Variants in PHACTR2 observed in about 807,000 individuals in gnomAD.
The protein encoded by PHACTR2 is chromosome 6 open reading frame 56.
Under a neutral mutation model 76.0 loss-of-function variants are expected in PHACTR2, and 30 were observed. The observed-to-expected ratio is 0.39, with a 90% confidence interval of 0.30 to 0.54. The LOEUF (loss-of-function observed/expected upper bound fraction) is 0.54, where lower values mean the gene tolerates loss of function less well. PHACTR2 is among the 20% of genes least tolerant of loss of function. The pLI is 0.61. For missense variants in PHACTR2, 696 were observed against 781.1 expected, an observed-to-expected ratio of 0.89 and a Z score of 1.30; for synonymous variants, 292 against 292.5, an observed-to-expected ratio of 1.00 and a Z score of 0.02.
chr6:143,613,534 C>A (rs567560504), intron 1 of PHACTR2, among the ~76,000 whole-genome samples: 2 of 152,274 alleles, frequency 1.3e-5, no homozygotes, highest in East Asian at 3.9e-4. Context: ...TGTGCAGAAG[C>A]AGGACAAAGT....
At chr6:143,542,258 A>G (rs1373333406) in intron 1 of PHACTR2, among the ~76,000 whole-genome samples, 1 of 152,114 alleles carries the variant, frequency 6.6e-6, no homozygotes, top group Admixed American at 6.5e-5. Flanking sequence ...TTCTTTGCAC[A>G]AAAGCCATGG....
chr6:143,667,216 G>A (rs7450663), intron 1 of PHACTR2, among the ~76,000 whole-genome samples: 2 of 151,788 alleles, frequency 1.3e-5, no homozygotes, highest in Non-Finnish European at 2.9e-5. Flanking sequence ...CTGAGGCCTC[G>A]GTTCTGTTCC....
At chr6:143,673,535 T>C (rs1208587698), upstream of PHACTR2, among the ~76,000 whole-genome samples, 8 of 152,188 alleles carry the variant, frequency 5.3e-5, no homozygotes, top group African/African-American at 1.7e-4. Context: ...ATATAAAAGA[T>C]GTCTTTAAGG....
At chr6:143,719,117 A>G (rs960955135) in intron 2 of PHACTR2, among the ~76,000 whole-genome samples, 3 of 151,314 alleles carry the variant, frequency 2.0e-5, no homozygotes, top group Admixed American at 6.6e-5. Context: ...TCCTGACCTC[A>G]GGTGATCCAC....
rs1779420032 is a variant in PHACTR2, at chr6:143,760,632, G to A, written c.686G>A (p.Arg229Gln). 33 of 1,613,812 alleles carry A rather than the reference G, an allele frequency of 2.0e-5. No individual in the cohort carries two copies. Among genetic ancestry groups the A allele is most frequent in the Non-Finnish European group, 2.5e-5 (30 of 1,179,852 alleles). The change falls in exon 5 of 13, where the codon CGA (arginine) becomes CAA (glutamine). Residue 229 changes from arginine (R) to glutamine (Q), a missense_variant. This residue lies in a region of PHACTR2 where 460 missense variants were observed against 450.9 expected (regional missense o/e 1.02). Coordinates refer to ENST00000440869, the MANE Select transcript of PHACTR2 (RefSeq NM_001100164.2). The surrounding 1 kb of genome is among the most constrained non-coding windows in gnomAD (Gnocchi z 6.4). ...PPKPASRNTT[R>Q]EAAGSSHSKK... ...AAGCCAGCAAGCCGAAACACGACCC[G>A]AGAGGCTGGTGAGTATGCCCCCAGT...
Position 143,783,479 on chromosome 6 carries a change from C to G in PHACTR2, c.1707+199C>G, listed in dbSNP as rs2128478063. ...TACAAAAAATAAAAAAATTAGCCGG[C>G]ATGGTGGCACATGCCTGTAGTTCCA... On this transcript the variant is annotated intron_variant, in intron 10 of 12. Transcript: ENST00000440869. The surrounding 1 kb of genome is among the most constrained non-coding windows in gnomAD (Gnocchi z 5.2). Among the ~76,000 whole-genome samples, 1 of 152,202 alleles carries G rather than the reference C, an allele frequency of 6.6e-6. No homozygotes were observed. Among genetic ancestry groups the G allele is most frequent in the East Asian group, 1.9e-4 (1 of 5,170 alleles).
upstream of PHACTR2, among the ~76,000 whole-genome samples, chr6:143,606,248 G>A (rs929996667): frequency 1.1e-4 from 12 of 104,918 alleles, no homozygotes; most frequent in Non-Finnish European, 1.7e-4. Context: ...GCATTTTGGA[G>A]CGAAACTTAC....
In PHACTR2 at chr6:143,739,377, A is replaced by T. The variant is rs1778891908; in HGVS notation, c.215-9608A>T. Among the ~76,000 whole-genome samples the T allele has an allele frequency of 6.6e-6, 1 of 152,170 alleles. No individual in the cohort carries two copies. Among genetic ancestry groups the T allele is most frequent in the African/African-American group, 2.4e-5 (1 of 41,434 alleles). On this transcript the variant is annotated intron_variant, in intron 2 of 12. Coordinates refer to ENST00000440869, the MANE Select transcript of PHACTR2 (RefSeq NM_001100164.2). The surrounding 1 kb of genome is among the most constrained non-coding windows in gnomAD (Gnocchi z 4.3). The stretch of plus-strand genomic sequence containing the variant: ...CGCACCCGGCTGCGAGATTCACTTT[A>T]AAATCAGTTCTCTAGCCTGTTCTTT...
chr6:143,673,747 C>T (rs1397622711), upstream of PHACTR2, among the ~76,000 whole-genome samples: 1 of 151,488 alleles, frequency 6.6e-6, no homozygotes, highest in African/African-American at 2.4e-5. Context: ...CTTTATTTTC[C>T]AGCATAAATC....
rs940359520 is a variant in PHACTR2, at chr6:143,818,084, T to C, written c.1923-5590T>C. Among the ~76,000 whole-genome samples, 8 of 152,178 alleles carry C rather than the reference T, an allele frequency of 5.3e-5. No individual in the cohort carries two copies. The highest frequency in any genetic ancestry group is 1.7e-4 in the African/African-American group (7 of 41,434). On this transcript the variant is annotated intron_variant, in intron 12 of 12. Transcript: ENST00000440869. The surrounding 1 kb of genome is among the most constrained non-coding windows in gnomAD (Gnocchi z 4.9). ...ACATTTTATGCCATCAAAATATCAC[T>C]CTGTACCCCATAAATATGAACAATT...
In PHACTR2 at chr6:143,822,395, T is replaced by C. The variant is rs1776440022; in HGVS notation, c.1923-1279T>C. ...TGAGAAAGAACTGGGTTGGGCGCAGTGGCTCGTACCTGTAATCACAGCACT... is the reference window on the plus strand; with the variant it reads ...TGAGAAAGAACTGGGTTGGGCGCAGCGGCTCGTACCTGTAATCACAGCACT... On this transcript the variant is annotated intron_variant, in intron 12 of 12. Coordinates refer to ENST00000440869, the MANE Select transcript of PHACTR2 (RefSeq NM_001100164.2). The surrounding 1 kb of genome is among the most constrained non-coding windows in gnomAD (Gnocchi z 5.5). Among the ~76,000 whole-genome samples, 1 of 152,158 alleles carries C rather than the reference T, an allele frequency of 6.6e-6. No individual in the cohort carries two copies. Among genetic ancestry groups the C allele is most frequent in the South Asian group, 2.1e-4 (1 of 4,832 alleles).
intron 4 of PHACTR2, among the ~76,000 whole-genome samples, chr6:143,759,279 A>G (rs1389757763): frequency 6.6e-6 from 1 of 152,360 alleles, no homozygotes; most frequent in Non-Finnish European, 1.5e-5. Flanking sequence ...TCTTTCCAAA[A>G]TAATTATTTG....
rs1053282092 is a variant in PHACTR2, at chr6:143,598,430, C to T, written c.217+61223C>T. Reference sequence around the variant, plus strand: ...TCAGAACACCTTGATTTGAGCCCTACAAGATAAGACTAATTTTGGATTTCT... The same window carrying T: ...TCAGAACACCTTGATTTGAGCCCTATAAGATAAGACTAATTTTGGATTTCT... On this transcript the variant is annotated intron_variant, in intron 1 of 11. Transcript: ENST00000367584. This position sits in a 1 kb window ranked among gnomAD's most constrained non-coding sequence, Gnocchi z 4.1. 6.6e-6 allele frequency among the ~76,000 whole-genome samples: 1 copy of T among 152,200 alleles called. No individual in the cohort carries two copies. Among genetic ancestry groups the T allele is most frequent in the Non-Finnish European group, 1.5e-5 (1 of 68,032 alleles).
intron 1 of PHACTR2, among the ~76,000 whole-genome samples, chr6:143,542,796 G>A (rs1365790761): frequency 6.6e-6 from 1 of 152,156 alleles, no homozygotes; most frequent in East Asian, 1.9e-4. Flanking sequence ...TATACAGCAA[G>A]ACAGAGATCA....
At chr6:143,582,594 G>A (rs1419893651) in intron 1 of PHACTR2, among the ~76,000 whole-genome samples, 3 of 151,208 alleles carry the variant, frequency 2.0e-5, no homozygotes, top group Non-Finnish European at 4.4e-5. Flanking sequence ...AAAAACTTGG[G>A]AACAACCTTC....
Position 143,589,541 on chromosome 6 carries a change from C to T in PHACTR2, c.217+52334C>T, listed in dbSNP as rs114871613. Among the ~76,000 whole-genome samples, 1,001 of 152,208 alleles carry T rather than the reference C, an allele frequency of 6.6e-3. 14 individuals carry two copies. The highest frequency in any genetic ancestry group is 0.023 in the African/African-American group (939 of 41,508). The stretch of plus-strand genomic sequence containing the variant: ...TCAGTCTCAGGTAGTTCTTGCAATG[C>T]GAGAACAGACTGATACAACTGCCGT... On this transcript the variant is annotated intron_variant, in intron 1 of 11. Coordinates refer to the PHACTR2 transcript ENST00000367584. This position sits in a 1 kb window ranked among gnomAD's most constrained non-coding sequence, Gnocchi z 4.4.
At chr6:143,634,288 G>A (rs1212645656) in intron 1 of PHACTR2, among the ~76,000 whole-genome samples, 1 of 152,180 alleles carries the variant, frequency 6.6e-6, no homozygotes, top group African/African-American at 2.4e-5. Flanking sequence ...TCTTAAGAAT[G>A]TACCGTTCCT....
rs190582037 is a variant in PHACTR2 at position 143,710,464 on chromosome 6, G to A, written c.47-1552G>A. 4.6e-5 allele frequency among the ~76,000 whole-genome samples: 7 copies of A among 152,270 alleles called. No individual in the cohort carries two copies. The highest frequency in any genetic ancestry group is 3.9e-4 in the East Asian group (2 of 5,180). On this transcript the variant is annotated intron_variant, in intron 1 of 12. Coordinates refer to ENST00000440869, the MANE Select transcript of PHACTR2 (RefSeq NM_001100164.2). The surrounding 1 kb of genome is among the most constrained non-coding windows in gnomAD (Gnocchi z 4.9). Reference sequence around the variant, plus strand: ...TCCCAGCAGTTTGGGAGGCTGAGGCGGGTGGATCACTTGAGGTCAGGAGTT... The same window carrying A: ...TCCCAGCAGTTTGGGAGGCTGAGGCAGGTGGATCACTTGAGGTCAGGAGTT...
intron 2 of PHACTR2, among the ~76,000 whole-genome samples, chr6:143,713,302 A>T (rs1268252013): frequency 6.6e-6 from 1 of 152,202 alleles, no homozygotes; most frequent in Non-Finnish European, 1.5e-5. Context: ...GGCTACCTGG[A>T]ATTTGTTTCA....
Sources: allele counts gnomAD v4.1 joint callset (sites outside exome capture counted in the v4.1 genomes callset), GRCh38; gene constraint gnomAD v4.1.1; regional missense constraint gnomAD v4.1.1; non-coding constraint Gnocchi (gnomAD v3.1); transcripts MANE v1.5; gene names NCBI Gene and HGNC (gene_info 2026-07-23, HGNC 2026-07-21).